Variants in TRPC6 observed in about 807,000 individuals in gnomAD.
TRPC6 encodes the protein short transient receptor potential channel 6.
Under a neutral mutation model 90.7 loss-of-function variants are expected in TRPC6, and 55 were observed. That is an observed-to-expected ratio of 0.61 (90% confidence interval 0.49 to 0.76). The LOEUF (loss-of-function observed/expected upper bound fraction) is 0.76, where lower values mean the gene tolerates loss of function less well. Among genes scored for constraint, TRPC6 ranks in the 30% least tolerant of loss-of-function variants. The pLI is 0.00. For missense variants in TRPC6, 989 were observed against 1,122.7 expected, an observed-to-expected ratio of 0.88 and a Z score of 1.70; for synonymous variants, 393 against 393.0, an observed-to-expected ratio of 1.00 and a Z score of 0.00.
intron 1 of TRPC6, among the ~76,000 whole-genome samples, chr11:101,523,949 C>T (rs978312823): frequency 2.6e-5 from 4 of 152,204 alleles, no homozygotes; most frequent in Non-Finnish European, 4.4e-5. Context: ...ATTCCTCTCA[C>T]CCTGATTCTT....
intron 1 of TRPC6, among the ~76,000 whole-genome samples, chr11:101,552,611 T>G (rs532520863): frequency 1.4e-4 from 22 of 152,256 alleles, no homozygotes; most frequent in African/African-American, 5.1e-4. Flanking sequence ...AAGTGAACAC[T>G]GGTTTATGAT....
chr11:101,543,195 GA>G (rs1861216086), intron 1 of TRPC6, among the ~76,000 whole-genome samples: 1 of 152,022 alleles, frequency 6.6e-6, no homozygotes, highest in Admixed American at 6.6e-5. Context: ...AATAAAGAAA[GA>G]CTGACCACAT....
intron 10 of TRPC6, among the ~76,000 whole-genome samples, chr11:101,457,709 A>T (rs1370958290): frequency 6.6e-6 from 1 of 152,206 alleles, no homozygotes; most frequent in African/African-American, 2.4e-5. Context: ...ACTTGAGGCA[A>T]ATCATTTCAC....
At chr11:101,551,234 A>C (rs1009091032) in intron 1 of TRPC6, among the ~76,000 whole-genome samples, 1 of 152,026 alleles carries the variant, frequency 6.6e-6, no homozygotes, top group South Asian at 2.1e-4. Context: ...CATTAAATAC[A>C]GTCAGTGAAA....
chr11:101,460,947 A>G (rs1223485688), intron 10 of TRPC6, among the ~76,000 whole-genome samples: 2 of 152,198 alleles, frequency 1.3e-5, no homozygotes, highest in African/African-American at 2.4e-5. Context: ...CATATTGTCA[A>G]TTATAACACA....
chr11:101,455,078 A>G lies in TRPC6; in HGVS notation c.2508T>C (p.Ser836=), dbSNP rs377172208. 1.8e-5 allele frequency: 29 copies of G among 1,612,368 alleles called. No individual in the cohort carries two copies. Among genetic ancestry groups the G allele is most frequent in the Non-Finnish European group, 2.4e-5 (28 of 1,178,990 alleles). Residue 836 remains serine (S), a synonymous_variant, in exon 11 of 13, where the codon AGT becomes AGC. Transcript: ENST00000344327. ...GATGGAAATCTTCTGAGCTCCTTATACTTGGTTGTTTATTGTGCCCAACCT... is the reference window on the plus strand; with the variant it reads ...GATGGAAATCTTCTGAGCTCCTTATGCTTGGTTGTTTATTGTGCCCAACCT... ...KKQVGHNKQP[S]IRSSEDFHLN...
intron 5 of TRPC6, among the ~76,000 whole-genome samples, chr11:101,481,137 T>G (rs1859540870): frequency 6.6e-6 from 1 of 152,158 alleles, no homozygotes; most frequent in African/African-American, 2.4e-5. Flanking sequence ...TGACTGATCA[T>G]CTCATCAAGC....
chr11:101,484,415 A>G (rs1859623629), intron 4 of TRPC6, among the ~76,000 whole-genome samples: 1 of 152,142 alleles, frequency 6.6e-6, no homozygotes, highest in South Asian at 2.1e-4. Context: ...GAAAAGATAA[A>G]TGCTATCATG....
At chr11:101,533,253 G>T (rs148612066) in intron 1 of TRPC6, among the ~76,000 whole-genome samples, 25 of 152,272 alleles carry the variant, frequency 1.6e-4, no homozygotes, top group African/African-American at 5.3e-4. Context: ...GGCTGTATAG[G>T]AAGCATAGTG....
intron 5 of TRPC6, among the ~76,000 whole-genome samples, chr11:101,482,741 T>C (rs1859582021): frequency 1.3e-5 from 2 of 152,176 alleles, no homozygotes; most frequent in Admixed American, 1.3e-4. Context: ...TCCTTGGAAA[T>C]GCAAAAGGCG....
At position 101,573,921 on chromosome 11, in the gene TRPC6, CGTGTGT is replaced by C. The variant is rs58766729; in HGVS notation, c.170+9407_170+9412del. Among the ~76,000 whole-genome samples the C allele has an allele frequency of 2.7e-3, 351 of 132,060 alleles. 6 individuals are homozygous for C. Among genetic ancestry groups the C allele is most frequent in the Admixed American group, 3.7e-3 (49 of 13,324 alleles). The allele number at this position is 132,060 out of a possible 152,430, so 86.6% of individuals were successfully genotyped here. A position where few individuals can be genotyped will look rare whatever the true frequency, so the allele number is the denominator to read the frequency against. ...TCCTTTCAAGCCTAAGAAACAAATA[CGTGTGT>C]GTGTGTGTGTGTGTGTGTGTGTGTG... On this transcript the variant is annotated intron_variant, in intron 1 of 12. Transcript: ENST00000344327.
chr11:101,577,131 A>G (rs1230372602), intron 1 of TRPC6, among the ~76,000 whole-genome samples: 1 of 152,132 alleles, frequency 6.6e-6, no homozygotes, highest in East Asian at 1.9e-4. Flanking sequence ...TTCCCCTGGA[A>G]GAGCAAGCTT....
intron 10 of TRPC6, among the ~76,000 whole-genome samples, chr11:101,467,123 G>A (rs1447299660): frequency 6.6e-6 from 1 of 152,180 alleles, no homozygotes; most frequent in Non-Finnish European, 1.5e-5. Flanking sequence ...ATCTTGCTGG[G>A]AGCTGCAGAC....
chr11:101,452,734 A>G lies in TRPC6; in HGVS notation c.*221T>C. ...CAGTTTATAAAACAAGCACCAAACA[A>G]CTGGGCATAATTTTCCTCATTATCT... On this transcript the variant is annotated 3_prime_UTR_variant, in exon 13 of 13. Transcript: ENST00000344327. 1.8e-6 allele frequency: 1 copy of G among 551,006 alleles called. No homozygotes were observed. Among genetic ancestry groups the G allele is most frequent in the Non-Finnish European group, 3.2e-6 (1 of 309,644 alleles). 34.1% of individuals were successfully genotyped at this position (551,006 alleles called of 1,614,324 possible).
chr11:101,461,292 C>A (rs533779117), intron 10 of TRPC6, among the ~76,000 whole-genome samples: 2 of 152,184 alleles, frequency 1.3e-5, no homozygotes, highest in African/African-American at 2.4e-5. Context: ...GGGCCAGGCA[C>A]GGTGGCTGAT....
intron 1 of TRPC6, among the ~76,000 whole-genome samples, chr11:101,576,685 G>T (rs991399939): frequency 6.6e-6 from 1 of 152,018 alleles, no homozygotes; most frequent in Admixed American, 6.6e-5. Flanking sequence ...TATGAAAGAG[G>T]GAGAAAAATA....
At chr11:101,511,445 G>A (rs1243251123) in intron 1 of TRPC6, among the ~76,000 whole-genome samples, 4 of 152,012 alleles carry the variant, frequency 2.6e-5, no homozygotes, top group African/African-American at 4.8e-5. Context: ...CCCGTTAAAG[G>A]AATAAAGTTT....
intron 1 of TRPC6, among the ~76,000 whole-genome samples, chr11:101,509,922 A>C (rs1260531862): frequency 2.0e-5 from 3 of 152,252 alleles, no homozygotes; most frequent in Admixed American, 6.5e-5. Context: ...AATGTATCTG[A>C]TACATTTTTG....
At chr11:101,573,426 C>T (rs980806890) in intron 1 of TRPC6, among the ~76,000 whole-genome samples, 11 of 152,180 alleles carry the variant, frequency 7.2e-5, no homozygotes, top group African/African-American at 2.7e-4. Context: ...CCTTTCTGAA[C>T]TTCTTTTTCT....
Sources: gnomAD v4.1 joint callset for allele counts (sites outside exome capture counted in the v4.1 genomes callset) on GRCh38, gnomAD v4.1.1 for gene constraint, MANE v1.5 for transcripts, NCBI Gene and HGNC (gene_info 2026-07-23, HGNC 2026-07-21) for gene names.